Variants in NBPF9 observed in about 807,000 individuals in gnomAD.
The protein encoded by NBPF9 is NBPF family member NBPF9.
A neutral mutation model predicts 97.8 loss-of-function variants in NBPF9; 91 were observed. The observed-to-expected ratio is 0.93, with a 90% CI of 0.79 to 1.11. The LOEUF is 1.11. NBPF9 is among the 50% of genes least tolerant of loss of function. NBPF9 has a pLI of 0.00. For missense variants in NBPF9, 992 were observed against 939.5 expected, an observed-to-expected ratio of 1.06 and a Z score of -0.73; for synonymous variants, 334 against 359.5, an observed-to-expected ratio of 0.93 and a Z score of 0.80.
chr1:149,098,004 C>A (rs2081902491), intron 4 of NBPF9, among the ~76,000 whole-genome samples: 2 of 151,934 alleles, frequency 1.3e-5, no homozygotes, highest in South Asian at 4.2e-4. Context: ...CCACCCAGGA[C>A]AGTGCAGGGC....
exon 30 of NBPF9, chr1:149,055,679 T>A (rs781843697): frequency 6.2e-7 from 1 of 1,611,938 alleles, no homozygotes; most frequent in Non-Finnish European, 8.5e-7. Context: ...ATGACTTCCA[T>A]CTGGAACACC....
At chr1:149,082,965 T>TTC (rs1194593839) in intron 5 of NBPF9, among the ~76,000 whole-genome samples, 15 of 110,650 alleles carry the variant, frequency 1.4e-4, no homozygotes, top group South Asian at 3.4e-4. Flanking sequence ...TTCTTTTTTT[T>TTC]TTTTTTTTTT....
At chr1:149,060,082 C>T in intron 24 of NBPF9, 1 of 296,404 alleles carries the variant, frequency 3.4e-6, no homozygotes, top group East Asian at 4.3e-5. Flanking sequence ...CATATTTTTC[C>T]AATCAATTTA....
chr1:149,063,209 C>T (rs1313819225), intron 20 of NBPF9, among the ~76,000 whole-genome samples: 1 of 133,654 alleles, frequency 7.5e-6, no homozygotes, highest in Non-Finnish European at 1.6e-5. Flanking sequence ...GCAAATGCCC[C>T]CAAATGGTTG....
intron 9 of NBPF9, 51 bp from the exon 10 acceptor site, chr1:149,078,006 GCA>G (rs1387988603): frequency 6.4e-7 from 1 of 1,570,196 alleles, no homozygotes; most frequent in Non-Finnish European, 8.7e-7. Context: ...CATTCTGCAA[GCA>G]CAGTCAGCCC....
At chr1:149,084,462 G>A (rs1324206812) in intron 5 of NBPF9, among the ~76,000 whole-genome samples, 25 of 145,954 alleles carry the variant, frequency 1.7e-4, no homozygotes, top group Non-Finnish European at 3.1e-4. Flanking sequence ...TTTAAGTGGC[G>A]GAGCGAGGGC....
Position 149,059,349 on chromosome 1 carries a change from T to G in NBPF9, c.2586-252A>C. ...CTAGTGAATTGGCCGGGTGACACAC[T>G]GATGAAGGAGTAAAAGGACACTCTG... On this transcript the variant is annotated intron_variant, in intron 25 of 29. Coordinates refer to ENST00000584027, the Ensembl canonical transcript of NBPF9. 4.4e-6 allele frequency: 2 copies of G among 457,574 alleles called. 1 individual carries two copies. Among genetic ancestry groups the G allele is most frequent in the Non-Finnish European group, 8.1e-6 (2 of 247,566 alleles). The allele number at this position is 457,574 out of a possible 1,614,324, so 28.3% of individuals were successfully genotyped here.
In NBPF9 at chr1:149,060,286, G is replaced by A. The variant is rs1170668452; in HGVS notation, c.2476+237C>T. 7.1e-4 allele frequency: 253 copies of A among 357,648 alleles called. 54 individuals are homozygous for A. The highest frequency in any genetic ancestry group is 6.9e-3 in the Middle Eastern group (7 of 1,020). The allele number at this position is 357,648 out of a possible 1,614,324, so 22.2% of individuals were successfully genotyped here. The stretch of plus-strand genomic sequence containing the variant: ...ATCTGCCCAGGTCCAATGTCATGAG[G>A]ATAGGATCAGGGCGCCACAGGTATG... On this transcript the variant is annotated intron_variant, in intron 24 of 29. Coordinates refer to ENST00000584027, the Ensembl canonical transcript of NBPF9.
At chr1:149,076,034 C>A (rs1423802680) in intron 11 of NBPF9, among the ~76,000 whole-genome samples, 170 bp from the exon 12 acceptor site, 3 of 152,038 alleles carry the variant, frequency 2.0e-5, no homozygotes, top group East Asian at 1.9e-4. Flanking sequence ...GTCAACTTGT[C>A]TTAGCTATGC....
intron 11 of NBPF9, 57 bp from the exon 12 acceptor site, chr1:149,075,921 C>T (rs1246733745): frequency 6.5e-6 from 6 of 919,694 alleles, no homozygotes; most frequent in South Asian, 1.3e-5. Context: ...ATCAAATAGG[C>T]TTAATCAGGA....
intron 5 of NBPF9, among the ~76,000 whole-genome samples, chr1:149,084,307 G>T (rs1441067842): frequency 7.0e-6 from 1 of 143,620 alleles, no homozygotes; most frequent in Non-Finnish European, 1.5e-5. Flanking sequence ...ATGTATACAC[G>T]TATATATAAT....
At chr1:149,059,777 T>C in exon 25 of NBPF9, 1 of 554,184 alleles carries the variant, frequency 1.8e-6, no homozygotes, top group Admixed American at 2.7e-5. Flanking sequence ...TTCTTCCCCT[T>C]CTTTTCTTCC....
At chr1:149,063,993 G>GAC (rs67607610) in intron 19 of NBPF9, among the ~76,000 whole-genome samples, 188 bp from the exon 20 acceptor site, 20,175 of 106,276 alleles carry the variant, frequency 0.19, 3,350 homozygotes, top group Non-Finnish European at 0.24. Context: ...GAAAGAGAAA[G>GAC]ACACACACAC....
Position 149,062,246 on chromosome 1 carries a change from C to T in NBPF9, c.2098G>A (p.Asp700Asn), listed in dbSNP as rs781935981. 5 of 864,640 alleles carry T rather than the reference C, an allele frequency of 5.8e-6. No individual in the cohort carries two copies. In the East Asian group the frequency reaches 7.3e-5, roughly 13 times the overall value. 53.6% of individuals were successfully genotyped at this position (864,640 alleles called of 1,614,324 possible). ...TGCAAGACTTCAGGCTCTTTCTCAT[C>T]CAGCAGCTCCCTGCTGAGCCTGGAA... Residue 700 changes from aspartate (D) to asparagine (N), a missense_variant, in exon 22 of 30, where the codon GAT (aspartate) becomes AAT (asparagine). Asp to Asn is a conservative substitution (Grantham distance 23). Transcript: ENST00000584027.
At chr1:149,055,739 G>A (rs1553648658) in exon 30 of NBPF9, 1 of 1,611,822 alleles carries the variant, frequency 6.2e-7, no homozygotes, top group Admixed American at 1.7e-5. Flanking sequence ...TCCACGTAAA[G>A]GGCGAAGCTG....
chr1:149,061,483 G>A, intron 22 of NBPF9, 100 bp from the exon 23 acceptor site: 2 of 468,786 alleles, frequency 4.3e-6, no homozygotes, highest in Non-Finnish European at 3.8e-6. Flanking sequence ...AGGCTCCTCA[G>A]CATGAGCACA....
chr1:149,073,407 GCAGT>G (rs1476613600), intron 13 of NBPF9, among the ~76,000 whole-genome samples: 1 of 141,622 alleles, frequency 7.1e-6, no homozygotes, highest in African/African-American at 2.7e-5. Flanking sequence ...ATGAGAAGCC[GCAGT>G]CAGTCAGGAG....
At chr1:149,071,256 T>C (rs1410347353) in intron 15 of NBPF9, 117 bp from the exon 16 acceptor site, 30 of 1,325,178 alleles carry the variant, frequency 2.3e-5, no homozygotes, top group African/African-American at 1.0e-4. Context: ...GAAAGCAAAA[T>C]GGAGGTTCCC....
chr1:149,078,721 C>A (rs1401745261), intron 9 of NBPF9, among the ~76,000 whole-genome samples: 249 of 113,516 alleles, frequency 2.2e-3, no homozygotes, highest in East Asian at 7.6e-3. Flanking sequence ...CCAACAAGCG[C>A]CCTCCCATCA....
Sources: allele counts gnomAD v4.1 joint callset (sites outside exome capture counted in the v4.1 genomes callset), GRCh38; gene constraint gnomAD v4.1.1; transcripts MANE v1.5; gene names NCBI Gene and HGNC (gene_info 2026-07-23, HGNC 2026-07-21).